OXCT1: variants seen among roughly 807,000 people sequenced by gnomAD.
The protein encoded by OXCT1 is 3-oxoacid CoA-transferase 1.
OXCT1 carries 27 observed loss-of-function variants against 69.6 expected under a neutral mutation model. That is an observed-to-expected ratio of 0.39 (90% CI 0.29 to 0.54). The LOEUF is 0.54. OXCT1 is among the 20% of genes least tolerant of loss of function. The pLI, the probability that OXCT1 is intolerant of heterozygous loss-of-function variation, is 0.72. For synonymous variants in OXCT1, 202 were observed against 217.8 expected, an observed-to-expected ratio of 0.93 and a Z score of 0.64; for missense variants, 437 against 650.2, an observed-to-expected ratio of 0.67 and a Z score of 3.57.
chr5:41,733,739 C>T (rs572431611), intron 16 of OXCT1, among the ~76,000 whole-genome samples: 8 of 152,158 alleles, frequency 5.3e-5, no homozygotes, highest in South Asian at 2.1e-4. Flanking sequence ...AATAAGATAA[C>T]GCTTTATATA....
intron 1 of OXCT1, among the ~76,000 whole-genome samples, chr5:41,864,843 T>C (rs77784996): frequency 0.011 from 1,705 of 152,306 alleles, 30 homozygotes; most frequent in Middle Eastern, 0.034. Flanking sequence ...TTTCTTCCTG[T>C]ATAACTCTGC....
intron 10 of OXCT1, 37 bp downstream of exon 10, chr5:41,803,032 T>C: frequency 7.1e-7 from 1 of 1,402,192 alleles, no homozygotes; most frequent in African/African-American, 1.4e-5. Flanking sequence ...TCATTCTTCA[T>C]TAAGACTGGA....
chr5:41,850,135 AG>A lies in OXCT1; in HGVS notation c.458del (p.Pro153LeufsTer37). On this transcript the variant is annotated frameshift_variant, in exon 5 of 17. Coordinates refer to ENST00000196371, the MANE Select transcript of OXCT1 (RefSeq NM_000436.4). LOFTEE classifies it high-confidence loss of function. The part of the protein sequence containing the change: ...ERIRAGGAGV[P>X]AFYTPTGYGT... ...CATACCCTGTTGGGGTGTAAAATGC[AG>A]GAACTCCAGCCCCGCCTGCACGGAT... 6.2e-7 allele frequency: 1 copy of A among 1,613,868 alleles called. No homozygotes were observed. Among genetic ancestry groups the A allele is most frequent in the Non-Finnish European group, 8.5e-7 (1 of 1,179,884 alleles).
intron 3 of OXCT1, among the ~76,000 whole-genome samples, chr5:41,856,656 C>T (rs1266109298): frequency 6.6e-6 from 1 of 152,106 alleles, no homozygotes; most frequent in Non-Finnish European, 1.5e-5. Context: ...GTTTTGCACC[C>T]CTAGCCTTCA....
Position 41,803,111 on chromosome 5 carries a change from A to G in OXCT1, c.1008T>C (p.Asn336=), listed in dbSNP as rs1195263341. Residue 336 remains asparagine (N), a synonymous_variant, in exon 10 of 17, where the codon AAT becomes AAC. Coordinates refer to ENST00000196371, the MANE Select transcript of OXCT1 (RefSeq NM_000436.4). ...TTTCACTTTGAAGATGAACAGTTATATTTGGGCTGATAAAATTGCTGGCCA... is the reference window on the plus strand; with the variant it reads ...TTTCACTTTGAAGATGAACAGTTATGTTTGGGCTGATAAAATTGCTGGCCA... ...PLLASNFISP[N]ITVHLQSENG... The G allele has an allele frequency of 1.2e-6, 2 of 1,612,308 alleles. No homozygotes were observed. Among genetic ancestry groups the G allele is most frequent in the Non-Finnish European group, 1.7e-6 (2 of 1,178,792 alleles).
intron 14 of OXCT1, among the ~76,000 whole-genome samples, chr5:41,760,256 C>T (rs1579676960): frequency 6.6e-6 from 1 of 152,054 alleles, no homozygotes. Flanking sequence ...TAACTGTTTA[C>T]TGTGAATAAT....
chr5:41,747,253 C>T (rs1325308735), intron 15 of OXCT1, among the ~76,000 whole-genome samples: 2 of 152,050 alleles, frequency 1.3e-5, no homozygotes, highest in African/African-American at 4.8e-5. Flanking sequence ...CAACCAGTTC[C>T]ACTTGCAGGT....
intron 13 of OXCT1, among the ~76,000 whole-genome samples, chr5:41,791,951 T>G (rs911729806): frequency 6.6e-6 from 1 of 152,104 alleles, no homozygotes; most frequent in African/African-American, 2.4e-5. Context: ...CTCAAGCGCA[T>G]GCCACCACGC....
At chr5:41,758,540 T>G (rs1744195265) in intron 14 of OXCT1, among the ~76,000 whole-genome samples, 1 of 140,118 alleles carries the variant, frequency 7.1e-6, no homozygotes. Context: ...TGGATACAAG[T>G]GGTGGAGGGA....
chr5:41,749,527 CT>C lies in OXCT1; in HGVS notation c.1418del (p.Lys473ArgfsTer12). The C allele has an allele frequency of 6.3e-7, 1 of 1,598,998 alleles. No individual in the cohort carries two copies. Among genetic ancestry groups the C allele is most frequent in the Non-Finnish European group, 8.6e-7 (1 of 1,167,572 alleles). On this transcript the variant is annotated frameshift_variant and splice_region_variant, in exon 15 of 17. Transcript: ENST00000196371. LOFTEE classifies it high-confidence loss of function. Reference protein sequence around the residue: ...KQCVNRIITEKAVFDVDKKKG... With the variant: ...KQCVNRIITEXAVFDVDKKKG... Reference sequence around the variant, plus strand: ...TAATAGTAGAAAAAGCACTTTTTACCTTTTCAGTAATAATGCGGTTGACACA... The same window carrying C: ...TAATAGTAGAAAAAGCACTTTTTACCTTTCAGTAATAATGCGGTTGACACA...
intron 5 of OXCT1, among the ~76,000 whole-genome samples, chr5:41,848,104 A>G (rs1460236683): frequency 6.8e-6 from 1 of 146,532 alleles, no homozygotes; most frequent in Non-Finnish European, 1.5e-5. Context: ...AAATCAATGT[A>G]CAAAAATCAC....
Position 41,868,944 on chromosome 5 carries a change from T to G in OXCT1, c.78+1337A>C, listed in dbSNP as rs17214025. Among the ~76,000 whole-genome samples the G allele has an allele frequency of 8.7e-3, 1,319 of 152,270 alleles. 8 individuals are homozygous for G. The highest frequency in any genetic ancestry group is 0.017 in the Middle Eastern group (5 of 294). ...ATGATATACTCAAGATGGAAAAGAC[T>G]TGAAGTGAGTAAATTACAGTTGGGC... On this transcript the variant is annotated intron_variant, in intron 1 of 16. Transcript: ENST00000196371.
intron 13 of OXCT1, among the ~76,000 whole-genome samples, chr5:41,786,080 G>C (rs1422409967): frequency 1.3e-5 from 2 of 152,174 alleles, no homozygotes; most frequent in Non-Finnish European, 2.9e-5. Context: ...TTGTCAACAG[G>C]ATAGCCCAGG....
At chr5:41,743,147 C>T (rs1015966612) in intron 15 of OXCT1, among the ~76,000 whole-genome samples, 1 of 152,112 alleles carries the variant, frequency 6.6e-6, no homozygotes, top group African/African-American at 2.4e-5. Flanking sequence ...CCTGTTGTTT[C>T]CTGACTTTTT....
At chr5:41,811,012 A>G (rs920286998) in intron 7 of OXCT1, among the ~76,000 whole-genome samples, 1 of 151,916 alleles carries the variant, frequency 6.6e-6, no homozygotes, top group Admixed American at 6.6e-5. Flanking sequence ...TGCCAAAAAG[A>G]AAAGAAAAAA....
Position 41,730,145 on chromosome 5 carries a change from C to A in OXCT1, c.*1584G>T, listed in dbSNP as rs1358085059. 2 of 152,186 alleles carry A rather than the reference C, an allele frequency of 1.3e-5. No individual in the cohort carries two copies. The highest frequency in any genetic ancestry group is 2.9e-5 in the Non-Finnish European group (2 of 68,034). The allele number at this position is 152,186 out of a possible 1,614,324, so 9.4% of individuals were successfully genotyped here. ...CACTCTTCAATCAAGAATATAAAGTCATCTACTTAGAATCACATTATCTTA... is the reference window on the plus strand; with the variant it reads ...CACTCTTCAATCAAGAATATAAAGTAATCTACTTAGAATCACATTATCTTA... On this transcript the variant is annotated 3_prime_UTR_variant, in exon 17 of 17. Coordinates refer to ENST00000196371, the MANE Select transcript of OXCT1 (RefSeq NM_000436.4).
intron 5 of OXCT1, among the ~76,000 whole-genome samples, chr5:41,848,911 A>G (rs1444110354): frequency 2.6e-5 from 4 of 152,356 alleles, no homozygotes; most frequent in African/African-American, 9.6e-5. Flanking sequence ...AAGCAATGGC[A>G]ACAAAAGCCA....
At chr5:41,801,874 G>A (rs2112259948) in intron 10 of OXCT1, among the ~76,000 whole-genome samples, 1 of 152,038 alleles carries the variant, frequency 6.6e-6, no homozygotes, top group Admixed American at 6.6e-5. Context: ...GATGAAAAGA[G>A]AGGAAACTAT....
chr5:41,852,546 A>G (rs184809874), intron 4 of OXCT1, among the ~76,000 whole-genome samples: 80 of 152,352 alleles, frequency 5.3e-4, no homozygotes, highest in Non-Finnish European at 6.5e-4. Flanking sequence ...AAGATTTCAG[A>G]AAGTTTTCCT....
Sources: allele counts gnomAD v4.1 joint callset (sites outside exome capture counted in the v4.1 genomes callset), GRCh38; gene constraint gnomAD v4.1.1; transcripts MANE v1.5; gene names NCBI Gene and HGNC (gene_info 2026-07-23, HGNC 2026-07-21).